Variants in SYT1 observed in about 807,000 individuals in gnomAD.
The protein encoded by SYT1 is synaptotagmin-1.
SYT1 carries 8 observed loss-of-function variants against 44.8 expected under a neutral mutation model. The observed-to-expected ratio is 0.18, with a 90% confidence interval of 0.10 to 0.32. The LOEUF (loss-of-function observed/expected upper bound fraction) is 0.32. Among genes scored for constraint, SYT1 ranks in the 10% least tolerant of loss-of-function variants. The pLI is 1.00. For synonymous variants in SYT1, 154 were observed against 188.8 expected (o/e 0.82, Z 1.51); for missense variants, 286 against 509.3 (o/e 0.56, Z 4.22).
At chr12:79,001,842 A>G (rs770776449) in intron 2 of SYT1, among the ~76,000 whole-genome samples, 4 of 151,536 alleles carry the variant, frequency 2.6e-5, no homozygotes, top group Non-Finnish European at 5.9e-5. Context: ...TCTTCTGGAT[A>G]TTGATTTCTT....
rs187456130 is a variant in SYT1, at chr12:78,874,046, A to G, written c.-217+8937A>G. ...AGGTATTAAGGGAGATATTTGAATG[A>G]ATACAGGTATTCATATTGTTTCTTA... On this transcript the variant is annotated intron_variant, in intron 1 of 10. Coordinates refer to ENST00000261205, the MANE Select transcript of SYT1 (RefSeq NM_005639.3). Among the ~76,000 whole-genome samples the G allele has an allele frequency of 2.6e-5, 4 of 151,782 alleles. No homozygotes were observed. In the East Asian group the frequency reaches 5.8e-4, roughly 22 times the overall value.
At chr12:79,315,045 T>C (rs995400488) in intron 8 of SYT1, among the ~76,000 whole-genome samples, 1 of 152,148 alleles carries the variant, frequency 6.6e-6, no homozygotes, top group Non-Finnish European at 1.5e-5. Context: ...GATGAAAATC[T>C]TCTAGAATTA....
At chr12:78,904,124 T>G (rs2137106450) in intron 1 of SYT1, among the ~76,000 whole-genome samples, 1 of 152,272 alleles carries the variant, frequency 6.6e-6, no homozygotes, top group Non-Finnish European at 1.5e-5. Flanking sequence ...TTTACTAATT[T>G]TTGTTTTTAT....
intron 9 of SYT1, among the ~76,000 whole-genome samples, chr12:79,423,191 C>T (rs1869224337): frequency 6.6e-6 from 1 of 152,106 alleles, no homozygotes; most frequent in South Asian, 2.1e-4. Flanking sequence ...TGTGCGCCCA[C>T]ACATGTGTGC....
chr12:79,213,636 C>T (rs925497402), intron 3 of SYT1, among the ~76,000 whole-genome samples: 1 of 152,096 alleles, frequency 6.6e-6, no homozygotes, highest in African/African-American at 2.4e-5. Context: ...AATATAAAGT[C>T]ATCAGGCTGG....
chr12:79,084,205 T>C (rs1180339342), intron 3 of SYT1, among the ~76,000 whole-genome samples: 1 of 152,164 alleles, frequency 6.6e-6, no homozygotes, highest in Non-Finnish European at 1.5e-5. Context: ...TGTACTAATA[T>C]TGCCTATATA....
intron 2 of SYT1, among the ~76,000 whole-genome samples, chr12:79,023,331 G>A (rs1872315528): frequency 1.3e-5 from 2 of 151,804 alleles, no homozygotes; most frequent in South Asian, 2.1e-4. Flanking sequence ...GAAAGCTTCT[G>A]TCTCCCACAA....
intron 3 of SYT1, among the ~76,000 whole-genome samples, chr12:79,174,758 T>TA: frequency 6.6e-6 from 1 of 152,092 alleles, no homozygotes; most frequent in South Asian, 2.1e-4. Context: ...TTTGGGATGT[T>TA]AAAAAATTAT....
At chr12:79,311,762 G>A (rs1292613137) in intron 8 of SYT1, among the ~76,000 whole-genome samples, 42 of 145,884 alleles carry the variant, frequency 2.9e-4, no homozygotes, top group South Asian at 6.9e-4. Context: ...GTAAACTATC[G>A]CAAGGACAAA....
At chr12:79,013,705 A>C (rs996686918) in intron 2 of SYT1, among the ~76,000 whole-genome samples, 4 of 152,230 alleles carry the variant, frequency 2.6e-5, no homozygotes, top group Non-Finnish European at 4.4e-5. Context: ...TTCATTTACT[A>C]TATAAAGCCA....
intron 7 of SYT1, among the ~76,000 whole-genome samples, chr12:79,297,469 A>G (rs1879929690): frequency 6.6e-6 from 1 of 152,142 alleles, no homozygotes. Flanking sequence ...AAACTTAGTA[A>G]GGAAATTCTT....
intron 3 of SYT1, among the ~76,000 whole-genome samples, chr12:79,173,559 CA>C (rs1871681715): frequency 6.6e-6 from 1 of 151,850 alleles, no homozygotes; most frequent in Non-Finnish European, 1.5e-5. Flanking sequence ...CTAAAAGAGA[CA>C]ACATGAATTT....
Position 79,449,278 on chromosome 12 carries a change from T to C in SYT1, c.*154T>C. On this transcript the variant is annotated 3_prime_UTR_variant, in exon 11 of 11. Coordinates refer to ENST00000261205, the MANE Select transcript of SYT1 (RefSeq NM_005639.3). ...AATCCTGTTTTAATTTGCACAAATT[T>C]AAATGTAGAGAGCCCCTAAGTCCTT... 1.2e-6 allele frequency: 1 copy of C among 805,088 alleles called. No individual in the cohort carries two copies. The highest frequency in any genetic ancestry group is 2.7e-5 in the East Asian group (1 of 36,978). The allele number at this position is 805,088 out of a possible 1,614,324, so 49.9% of individuals were successfully genotyped here. A position where few individuals can be genotyped will look rare whatever the true frequency, so the allele number is the denominator to read the frequency against.
intron 2 of SYT1, among the ~76,000 whole-genome samples, chr12:78,991,546 TAAGAG>T (rs1870020818): frequency 1.3e-5 from 2 of 152,246 alleles, no homozygotes; most frequent in African/African-American, 2.4e-5. Context: ...GATTTGTAAT[TAAGAG>T]AAGAGAAGAA....
intron 3 of SYT1, among the ~76,000 whole-genome samples, chr12:79,068,733 G>C (rs1876051680): frequency 6.6e-6 from 1 of 152,106 alleles, no homozygotes; most frequent in African/African-American, 2.4e-5. Context: ...GAAGTAACCT[G>C]CCGGGCATGG....
intron 1 of SYT1, among the ~76,000 whole-genome samples, chr12:78,910,786 CT>C (rs1368594176): frequency 3.9e-5 from 6 of 151,962 alleles, no homozygotes; most frequent in Non-Finnish European, 4.4e-5. Flanking sequence ...ATCGAAGAAT[CT>C]AGGCTTTCAC....
intron 9 of SYT1, among the ~76,000 whole-genome samples, chr12:79,394,188 A>G (rs758397675): frequency 6.6e-6 from 1 of 152,232 alleles, no homozygotes; most frequent in Non-Finnish European, 1.5e-5. Context: ...AACTCTTCAC[A>G]TAGCCCAGAT....
chr12:78,934,661 A>C (rs1348076539), intron 1 of SYT1, among the ~76,000 whole-genome samples: 1 of 152,234 alleles, frequency 6.6e-6, no homozygotes, highest in African/African-American at 2.4e-5. Context: ...GGAATATAGA[A>C]AAAGAAAGAA....
chr12:79,397,118 G>A (rs780269078), intron 9 of SYT1, among the ~76,000 whole-genome samples: 24 of 152,210 alleles, frequency 1.6e-4, no homozygotes, highest in Non-Finnish European at 2.8e-4. Flanking sequence ...CTGGGAGAGT[G>A]AAAGGGATGA....
Sources: gnomAD v4.1 joint callset for allele counts (sites outside exome capture counted in the v4.1 genomes callset) on GRCh38, gnomAD v4.1.1 for gene constraint, MANE v1.5 for transcripts, NCBI Gene and HGNC (gene_info 2026-07-23, HGNC 2026-07-21) for gene names.